Variants in CCNF observed in about 807,000 individuals in gnomAD.
The protein encoded by CCNF is cyclin F.
CCNF carries 30 observed loss-of-function variants against 85.4 expected under a neutral mutation model. The observed-to-expected ratio is 0.35, with a 90% CI of 0.26 to 0.48. The LOEUF (loss-of-function observed/expected upper bound fraction) is 0.48. Among genes scored for constraint, CCNF ranks in the 20% least tolerant of loss-of-function variants. The pLI, the probability that CCNF is intolerant of heterozygous loss-of-function variation, is 0.99. For missense variants in CCNF, 919 were observed against 1,010.4 expected, an observed-to-expected ratio of 0.91 and a Z score of 1.23; for synonymous variants, 439 against 425.1, an observed-to-expected ratio of 1.03 and a Z score of -0.40.
intron 15 of CCNF, among the ~76,000 whole-genome samples, chr16:2,454,650 C>G (rs2065415073): frequency 6.6e-6 from 1 of 152,216 alleles, no homozygotes; most frequent in Admixed American, 6.5e-5. Flanking sequence ...GGCCTCTAGC[C>G]CCATCCTGAG....
At position 2,456,978 on chromosome 16, in the gene CCNF, CAGTG is replaced by C; in HGVS notation, c.2322_2325del (p.Ser774ArgfsTer5). ...TGAAGCGGATAAACCTATGCATACA[CAGTG>C]AGGAGGAGGACATGAACCTGGGCCT... On this transcript the variant is annotated frameshift_variant, in exon 17 of 17. Coordinates refer to ENST00000397066, the MANE Select transcript of CCNF (RefSeq NM_001761.3). LOFTEE classifies it high-confidence loss of function. The surrounding 1 kb of genome is among the most constrained non-coding windows in gnomAD (Gnocchi z 4.5). 2 of 1,605,834 alleles carry C rather than the reference CAGTG, an allele frequency of 1.2e-6. No individual in the cohort carries two copies. The highest frequency in any genetic ancestry group is 1.7e-6 in the Non-Finnish European group (2 of 1,175,666).
At chr16:2,446,510 G>A (rs1042051015) in intron 10 of CCNF, among the ~76,000 whole-genome samples, 1 of 152,154 alleles carries the variant, frequency 6.6e-6, no homozygotes, top group African/African-American at 2.4e-5. Flanking sequence ...CCCTAGTTCC[G>A]CCTTTGGAAA....
intron 5 of CCNF, chr16:2,437,857 C>T: frequency 1.9e-6 from 1 of 531,392 alleles, no homozygotes; most frequent in Non-Finnish European, 3.4e-6. Context: ...CGTGACTATG[C>T]CAATGCACTC....
rs1182447084 is a variant in CCNF, at chr16:2,429,466, C to T, written c.-16C>T. 2 of 1,224,954 alleles carry T rather than the reference C, an allele frequency of 1.6e-6. No individual in the cohort carries two copies. Among genetic ancestry groups the T allele is most frequent in the Non-Finnish European group, 2.0e-6 (2 of 984,182 alleles). The allele number at this position is 1,224,954 out of a possible 1,614,324, so 75.9% of individuals were successfully genotyped here. A position where few individuals can be genotyped will look rare whatever the true frequency, so the allele number is the denominator to read the frequency against. The stretch of plus-strand genomic sequence containing the variant: ...GCTCTCAGGCGGGCTCCGGCGGCAG[C>T]GACGCGAGCGCGGCGATGGGGAGCG... On this transcript the variant is annotated 5_prime_UTR_variant, in exon 1 of 17. Transcript: ENST00000397066.
chr16:2,437,096 C>T (rs1264071822), intron 4 of CCNF, 33 bp from the exon 5 acceptor site: 1 of 1,497,864 alleles, frequency 6.7e-7, no homozygotes, highest in Non-Finnish European at 9.0e-7. Flanking sequence ...CCCTAAGAGA[C>T]ATCCCTGGGC....
intron 1 of CCNF, 126 bp from the exon 2 acceptor site, chr16:2,431,004 G>A: frequency 1.0e-6 from 1 of 994,828 alleles, no homozygotes; most frequent in Non-Finnish European, 1.6e-6. Context: ...CATCTTTTGT[G>A]GCACAGGGAA....
chr16:2,449,954 C>T lies in CCNF; in HGVS notation c.1487+39C>T, dbSNP rs188668905. 197 of 1,446,926 alleles carry T rather than the reference C, an allele frequency of 1.4e-4. 2 individuals carry two copies. The African/African-American group carries it at 2.3e-3, about 17-fold the overall frequency. The allele number at this position is 1,446,926 out of a possible 1,614,324, so 89.6% of individuals were successfully genotyped here. A position where few individuals can be genotyped will look rare whatever the true frequency, so the allele number is the denominator to read the frequency against. ...GGGCGCAGAGGCTCATGCCTGTAACCCCAGCACTTTGGGAGGCCGAGGCGG... is the reference window on the plus strand; with the variant it reads ...GGGCGCAGAGGCTCATGCCTGTAACTCCAGCACTTTGGGAGGCCGAGGCGG... On this transcript the variant is annotated intron_variant, in intron 13 of 16. Coordinates refer to ENST00000397066, the MANE Select transcript of CCNF (RefSeq NM_001761.3).
rs192437539 is a variant in CCNF at position 2,436,189 on chromosome 16, G to A, written c.346+316G>A. ...TCCCTGCCCTGTGCGCCATGAGCAC[G>A]CAGACCTGCCTGTGGATGCTGGCCC... On this transcript the variant is annotated intron_variant, in intron 4 of 16. Coordinates refer to ENST00000397066, the MANE Select transcript of CCNF (RefSeq NM_001761.3). The A allele has an allele frequency of 3.7e-3, 926 of 247,022 alleles. 5 individuals are homozygous for A. The highest frequency in any genetic ancestry group is 5.4e-3 in the Non-Finnish European group (683 of 126,202). The allele number at this position is 247,022 out of a possible 1,614,324, so 15.3% of individuals were successfully genotyped here.
chr16:2,445,746 G>T (rs181618361), intron 10 of CCNF, 124 bp downstream of exon 10: 25 of 627,804 alleles, frequency 4.0e-5, no homozygotes, highest in Admixed American at 3.3e-4. Context: ...TTTTTTTCCC[G>T]AGACCAAGTC....
chr16:2,445,450 T>C lies in CCNF; in HGVS notation c.930-8T>C, dbSNP rs373559092. 4.0e-5 allele frequency: 65 copies of C among 1,614,030 alleles called. 1 individual carries two copies. In the African/African-American group the frequency reaches 7.9e-4, roughly 20 times the overall value. ...CCCACCAGTTCCCACGTGCTTCTCTTTCCGCAGGTACATTCTGATCGACTG... is the reference window on the plus strand; with the variant it reads ...CCCACCAGTTCCCACGTGCTTCTCTCTCCGCAGGTACATTCTGATCGACTG... On this transcript the variant is annotated splice_polypyrimidine_tract_variant and splice_region_variant and intron_variant, in intron 9 of 16. Coordinates refer to ENST00000397066, the MANE Select transcript of CCNF (RefSeq NM_001761.3).
rs112769291 is a variant in CCNF at position 2,456,835 on chromosome 16, T to G, written c.2176T>G (p.Ser726Ala). 7.4e-6 allele frequency: 12 copies of G among 1,613,916 alleles called. 1 individual carries two copies. The South Asian group carries it at 1.3e-4, about 18-fold the overall frequency. ...CTTGGGGGCCCTGCCCCAACCTACC[T>G]CAGTGCTGTCCCTGGACAGTGACTC... ...GGLGALPQPT[S>A]VLSLDSDSHT... Residue 726 changes from serine (S) to alanine (A), a missense_variant, in exon 17 of 17, where the codon TCA (serine) becomes GCA (alanine). Ser to Ala is a moderately conservative substitution (Grantham distance 99). Transcript: ENST00000397066. The surrounding 1 kb of genome is among the most constrained non-coding windows in gnomAD (Gnocchi z 4.5).
At chr16:2,436,055 T>TA (rs2065289490) in intron 4 of CCNF, 182 bp downstream of exon 4, 1 of 490,736 alleles carries the variant, frequency 2.0e-6, no homozygotes, top group African/African-American at 2.0e-5. Flanking sequence ...CTGCTAATGA[T>TA]ACTCTGACTT....
In CCNF at chr16:2,456,990, G is replaced by A. The variant is rs1353316207; in HGVS notation, c.2331G>A (p.Glu777=). The A allele has an allele frequency of 1.9e-6, 3 of 1,599,568 alleles. 1 individual carries two copies. The South Asian group carries it at 3.4e-5, about 18-fold the overall frequency. ...ACCTATGCATACACAGTGAGGAGGA[G>A]GACATGAACCTGGGCCTTGTGAGGC... ...RINLCIHSEE[E]DMNLGLVRL Residue 777 remains glutamate, a synonymous_variant, in exon 17 of 17, where the codon GAG becomes GAA. Transcript: ENST00000397066. The surrounding 1 kb of genome is among the most constrained non-coding windows in gnomAD (Gnocchi z 4.5).
At position 2,452,640 on chromosome 16, in the gene CCNF, T is replaced by C. The variant is rs1136062; in HGVS notation, c.1488-570T>C. On this transcript the variant is annotated intron_variant, in intron 13 of 16. Coordinates refer to ENST00000397066, the MANE Select transcript of CCNF (RefSeq NM_001761.3). The surrounding 1 kb of genome is among the most constrained non-coding windows in gnomAD (Gnocchi z 4.1). ...CTTGTCATCACAACAATCAAATTGATGACATTTTCACTTTCCCCAAAGGGA... is the reference window on the plus strand; with the variant it reads ...CTTGTCATCACAACAATCAAATTGACGACATTTTCACTTTCCCCAAAGGGA... 0.76 allele frequency: 116,085 copies of C among 153,162 alleles called. 45,004 individuals are homozygous for C. The highest frequency in any genetic ancestry group is 0.93 in the African/African-American group (38,530 of 41,552). The allele number at this position is 153,162 out of a possible 1,614,324, so 9.5% of individuals were successfully genotyped here.
Position 2,431,209 on chromosome 16 carries a change from C to T in CCNF, c.96C>T (p.Ile32=). The change falls in exon 2 of 17, where the codon ATC becomes ATT. Residue 32 remains isoleucine (I), a synonymous_variant. Coordinates refer to ENST00000397066, the MANE Select transcript of CCNF (RefSeq NM_001761.3). ...GGAGGAGGCCCCGAAACCTGACCAT[C>T]TTGAGTCTCCCCGAAGATGTGCTCT... is the stretch of plus-strand genomic sequence containing the variant. ...RIRRRPRNLT[I]LSLPEDVLFH... 2.5e-6 allele frequency: 4 copies of T among 1,614,194 alleles called. No homozygotes were observed. Among genetic ancestry groups the T allele is most frequent in the Non-Finnish European group, 3.4e-6 (4 of 1,180,026 alleles).
Position 2,453,038 on chromosome 16 carries a change from G to C in CCNF, c.1488-172G>C, listed in dbSNP as rs1341378365. On this transcript the variant is annotated intron_variant, in intron 13 of 16. Coordinates refer to ENST00000397066, the MANE Select transcript of CCNF (RefSeq NM_001761.3). This position sits in a 1 kb window ranked among gnomAD's most constrained non-coding sequence, Gnocchi z 5.6. ...TTCCTTTTTCCTGGGTCTTTACCTA[G>C]AGAGGAATTGCTAGGTCCTGTGGTG... 4.8e-6 allele frequency: 3 copies of C among 624,798 alleles called. No individual in the cohort carries two copies. The highest frequency in any genetic ancestry group is 8.6e-6 in the Non-Finnish European group (3 of 347,688). The allele number at this position is 624,798 out of a possible 1,614,324, so 38.7% of individuals were successfully genotyped here.
Position 2,433,045 on chromosome 16 carries a change from G to A in CCNF, c.256G>A (p.Gly86Arg). 1.2e-6 allele frequency: 2 copies of A among 1,610,322 alleles called. No homozygotes were observed. The highest frequency in any genetic ancestry group is 1.7e-5 in the Admixed American group (1 of 59,868). Residue 86 changes from glycine (G) to arginine (R), a missense_variant, in exon 3 of 17, where the codon GGG becomes AGG. By Grantham distance (125) the Gly-to-Arg change is moderately radical. Transcript: ENST00000397066. ...ASFQELWPSP[G>R]NLKLFERAAE... ...CTTCCAGGAGCTGTGGCCGTCTCCAGGGAACCTGAAGCTCTTTGAAAGGTA... is the reference window on the plus strand; with the variant it reads ...CTTCCAGGAGCTGTGGCCGTCTCCAAGGAACCTGAAGCTCTTTGAAAGGTA...
At chr16:2,431,579 C>G (rs1313113520) in intron 2 of CCNF, among the ~76,000 whole-genome samples, 2 of 148,946 alleles carry the variant, frequency 1.3e-5, no homozygotes, top group African/African-American at 5.0e-5. Context: ...ACTAGGGAGG[C>G]TGAGGCGGGA....
intron 8 of CCNF, among the ~76,000 whole-genome samples, chr16:2,441,937 TTATATATATATA>T (rs55737759): frequency 0.15 from 9,151 of 60,040 alleles, 703 homozygotes; most frequent in Middle Eastern, 0.29. Flanking sequence ...TATTAGCAAA[TTATATATATATA>T]TATATATATA....
Sources: gnomAD v4.1 joint callset for allele counts (sites outside exome capture counted in the v4.1 genomes callset) on GRCh38, gnomAD v4.1.1 for gene constraint, Gnocchi (gnomAD v3.1) non-coding constraint, MANE v1.5 for transcripts, NCBI Gene and HGNC (gene_info 2026-07-23, HGNC 2026-07-21) for gene names.